The following ATAD3C variants were observed in gnomAD, a reference collection of about 807,000 sequenced individuals.
ATAD3C encodes ATPase family AAA domain-containing protein 3C.
In ATAD3C, 38 loss-of-function variants were observed where a neutral mutation model predicts 46.3. That is an observed-to-expected ratio of 0.82 (90% confidence interval 0.63 to 1.08). The LOEUF (loss-of-function observed/expected upper bound fraction) is 1.08, where lower values mean the gene tolerates loss of function less well. Among genes scored for constraint, ATAD3C ranks in the 50% least tolerant of loss-of-function variants. The probability of loss-of-function intolerance (pLI) is 0.00; values close to 1 mark genes in which losing one functional copy is unlikely to be tolerated. For missense variants in ATAD3C, 563 were observed against 572.7 expected, an observed-to-expected ratio of 0.98 and a Z score of 0.17; for synonymous variants, 220 against 236.4, an observed-to-expected ratio of 0.93 and a Z score of 0.63.
rs184147915 is a variant in ATAD3C at position 1,467,951 on chromosome 1, G to C, written c.1090-433G>C. On this transcript the variant is annotated intron_variant, in intron 11 of 11. Coordinates refer to ENST00000378785, the MANE Select transcript of ATAD3C (RefSeq NM_001039211.3). ...AGGTGGCCTTGGTGCCACCAGCCAC[G>C]TGCCTCAAGGTGGGCAGTGGCTGCC... Among the ~76,000 whole-genome samples the C allele has an allele frequency of 4.8e-4, 73 of 152,094 alleles. 1 individual carries two copies. The highest frequency in any genetic ancestry group is 1.5e-3 in the African/African-American group (64 of 41,528).
chr1:1,468,244 G>T, intron 11 of ATAD3C, 140 bp from the exon 12 acceptor site: 1 of 1,372,808 alleles, frequency 7.3e-7, no homozygotes, highest in Admixed American at 3.0e-5. Flanking sequence ...GGGCTCTGCC[G>T]AGGTGCGGGT....
chr1:1,460,716 C>T (rs780752849), intron 9 of ATAD3C, 34 bp from the exon 10 acceptor site: 2 of 1,569,540 alleles, frequency 1.3e-6, no homozygotes, highest in South Asian at 1.2e-5. Context: ...CGGCCGGCAG[C>T]CCCAGCGTTT....
rs539215504 is a variant in ATAD3C at position 1,462,009 on chromosome 1, G to A, written c.981-591G>A. 1.5e-3 allele frequency among the ~76,000 whole-genome samples: 221 copies of A among 152,178 alleles called. 5 individuals carry two copies. The highest frequency in any genetic ancestry group is 2.0e-3 in the Non-Finnish European group (139 of 67,962). ...GCTGCCTCGGGAACACTCCAGATGA[G>A]CAGAGGCTGCTCTACTTCTTGGCGT... On this transcript the variant is annotated intron_variant, in intron 10 of 11. Coordinates refer to ENST00000378785, the MANE Select transcript of ATAD3C (RefSeq NM_001039211.3). The surrounding 1 kb of genome is among the most constrained non-coding windows in gnomAD (Gnocchi z 4.5).
chr1:1,451,885 C>T (rs111237704), intron 1 of ATAD3C, among the ~76,000 whole-genome samples, 161 bp from the exon 2 acceptor site: 19 of 152,154 alleles, frequency 1.2e-4, no homozygotes, highest in Admixed American at 8.5e-4. Flanking sequence ...CCGTCCCGGC[C>T]GATGTCACCC....
intron 1 of ATAD3C, among the ~76,000 whole-genome samples, chr1:1,451,446 A>G (rs1421448922): frequency 6.6e-6 from 1 of 151,718 alleles, no homozygotes; most frequent in Admixed American, 6.6e-5. Flanking sequence ...TCCTGGGTTC[A>G]AGCCATTCTC....
chr1:1,457,317 A>T, intron 8 of ATAD3C, 137 bp downstream of exon 8: 1 of 1,426,762 alleles, frequency 7.0e-7, no homozygotes, highest in Non-Finnish European at 9.7e-7. Flanking sequence ...ATTTTTGGCC[A>T]GGTGTGGAGG....
At chr1:1,454,704 G>A (rs1039643304) in intron 4 of ATAD3C, among the ~76,000 whole-genome samples, 4 of 151,660 alleles carry the variant, frequency 2.6e-5, no homozygotes, top group East Asian at 1.9e-4. Flanking sequence ...TGTCTGCCTC[G>A]GTGTCCCCTG....
intron 8 of ATAD3C, among the ~76,000 whole-genome samples, 196 bp downstream of exon 8, chr1:1,457,376 C>T (rs989717254): frequency 1.1e-4 from 17 of 151,652 alleles, no homozygotes; most frequent in South Asian, 2.1e-4. Flanking sequence ...AAGTGGATCA[C>T]GAGGTCAGGA....
Position 1,454,231 on chromosome 1 carries a change from G to T in ATAD3C, c.223-114G>T, listed in dbSNP as rs954583950. ...TCGGGTTCCTGTGGGGCCAGCACAC[G>T]GCCCTGTGCTTCTCCCTCAGGCGGA... On this transcript the variant is annotated intron_variant, in intron 3 of 11. Coordinates refer to ENST00000378785, the MANE Select transcript of ATAD3C (RefSeq NM_001039211.3). 42 of 1,446,374 alleles carry T rather than the reference G, an allele frequency of 2.9e-5. No homozygotes were observed. The Admixed American group carries it at 1.0e-3, about 36-fold the overall frequency. The allele number at this position is 1,446,374 out of a possible 1,614,324, so 89.6% of individuals were successfully genotyped here. A position where few individuals can be genotyped will look rare whatever the true frequency, so the allele number is the denominator to read the frequency against.
chr1:1,458,832 C>T (rs1323893522), intron 8 of ATAD3C, among the ~76,000 whole-genome samples: 2 of 151,630 alleles, frequency 1.3e-5, no homozygotes, highest in African/African-American at 4.8e-5. Context: ...AAGTGATTCT[C>T]GTGCCTCAGC....
chr1:1,451,103 C>T (rs1261473028), intron 1 of ATAD3C, among the ~76,000 whole-genome samples: 4 of 150,878 alleles, frequency 2.7e-5, no homozygotes, highest in African/African-American at 4.9e-5. Context: ...TGCAGTGGTG[C>T]GACCTTGGCT....
In ATAD3C at chr1:1,468,544, C is replaced by T; in HGVS notation, c.*14C>T. ...CCCTCATCCTGAGTCCATGGGGAGACCACACCTCACGGAGCCTGGCCGCGG... is the reference window on the plus strand; with the variant it reads ...CCCTCATCCTGAGTCCATGGGGAGATCACACCTCACGGAGCCTGGCCGCGG... On this transcript the variant is annotated 3_prime_UTR_variant, in exon 12 of 12. Transcript: ENST00000378785. The T allele has an allele frequency of 6.3e-7, 1 of 1,595,752 alleles. No homozygotes were observed. The highest frequency in any genetic ancestry group is 8.5e-7 in the Non-Finnish European group (1 of 1,170,254).
intron 4 of ATAD3C, among the ~76,000 whole-genome samples, chr1:1,454,784 C>T (rs954251906): frequency 7.2e-5 from 11 of 151,774 alleles, no homozygotes; most frequent in South Asian, 2.1e-4. Context: ...GGTGTGCGGC[C>T]GTCTGTCGGG....
intron 3 of ATAD3C, among the ~76,000 whole-genome samples, chr1:1,452,971 G>A (rs1297567049): frequency 2.0e-5 from 3 of 151,950 alleles, no homozygotes; most frequent in Non-Finnish European, 2.9e-5. Context: ...CTGTGGTGGC[G>A]CCCCACGTCG....
rs191834503 is a variant in ATAD3C, at chr1:1,460,391, C to T, written c.813-359C>T. Among the ~76,000 whole-genome samples, 398 of 152,142 alleles carry T rather than the reference C, an allele frequency of 2.6e-3. 3 individuals carry two copies. The highest frequency in any genetic ancestry group is 9.2e-3 in the African/African-American group (380 of 41,508). On this transcript the variant is annotated intron_variant, in intron 9 of 11. Transcript: ENST00000378785. The stretch of plus-strand genomic sequence containing the variant: ...CCACTGCGTCTGGCCAGCGTGGCCA[C>T]AATCTTGACATGGACTCTGGGTCCC...
Position 1,455,074 on chromosome 1 carries a change from G to A in ATAD3C, c.379-386G>A, listed in dbSNP as rs575855924. Among the ~76,000 whole-genome samples the A allele has an allele frequency of 3.9e-4, 59 of 151,572 alleles. 2 individuals carry two copies. In the South Asian group the frequency reaches 0.01, roughly 26 times the overall value. ...ACTAAAAAAATACAAAAAATTAGCCGGGCGTGGTGGCGGGCGCCTGTAGTC... is the reference window on the plus strand; with the variant it reads ...ACTAAAAAAATACAAAAAATTAGCCAGGCGTGGTGGCGGGCGCCTGTAGTC... On this transcript the variant is annotated intron_variant, in intron 4 of 11. Coordinates refer to ENST00000378785, the MANE Select transcript of ATAD3C (RefSeq NM_001039211.3).
chr1:1,461,467 TGTGAGC>T (rs1639063236), intron 10 of ATAD3C, among the ~76,000 whole-genome samples: 1 of 152,128 alleles, frequency 6.6e-6, no homozygotes, highest in African/African-American at 2.4e-5. Flanking sequence ...GGATTACAGA[TGTGAGC>T]CACTGTGCCC....
At chr1:1,464,631 C>T (rs371220447) in intron 11 of ATAD3C, among the ~76,000 whole-genome samples, 2 of 151,296 alleles carry the variant, frequency 1.3e-5, no homozygotes, top group Non-Finnish European at 3.0e-5. Context: ...CTTAGCTGGG[C>T]GTGGTGGTGT....
chr1:1,455,630 G>A (rs1227527682), intron 5 of ATAD3C, 111 bp downstream of exon 5: 4 of 1,577,352 alleles, frequency 2.5e-6, no homozygotes, highest in African/African-American at 1.4e-5. Context: ...TTTGGGTCCT[G>A]AGATGCGACT....
Sources: allele counts gnomAD v4.1 joint callset (sites outside exome capture counted in the v4.1 genomes callset), GRCh38; gene constraint gnomAD v4.1.1; non-coding constraint Gnocchi (gnomAD v3.1); transcripts MANE v1.5; gene names NCBI Gene and HGNC (gene_info 2026-07-23, HGNC 2026-07-21).